Variants in PTPRG observed in about 807,000 individuals in gnomAD.
PTPRG encodes receptor-type tyrosine-protein phosphatase gamma.
In PTPRG, 102 loss-of-function variants were observed where a neutral mutation model predicts 165.3. That is an observed-to-expected ratio of 0.62 (90% CI 0.53 to 0.73). The LOEUF (loss-of-function observed/expected upper bound fraction) is 0.73. Ranked by LOEUF, PTPRG falls within the 30% of genes least tolerant of loss-of-function variation. The pLI is 0.00. For synonymous variants in PTPRG, 675 were observed against 669.5 expected, an observed-to-expected ratio of 1.01 and a Z score of -0.13; for missense variants, 1,866 against 1,861.4, an observed-to-expected ratio of 1.00 and a Z score of -0.05.
At chr3:61,817,639 C>T (rs951039941) in intron 2 of PTPRG, among the ~76,000 whole-genome samples, 4 of 152,094 alleles carry the variant, frequency 2.6e-5, no homozygotes, top group East Asian at 1.9e-4. Flanking sequence ...CCTACAGCTA[C>T]GAGACCTGCG....
chr3:61,956,897 T>C (rs1399352639), intron 2 of PTPRG, among the ~76,000 whole-genome samples: 1 of 152,254 alleles, frequency 6.6e-6, no homozygotes, highest in Non-Finnish European at 1.5e-5. Flanking sequence ...AAACATTCTT[T>C]AATGAAATTG....
intron 1 of PTPRG, among the ~76,000 whole-genome samples, chr3:61,630,447 T>G (rs1387150590): frequency 6.6e-6 from 1 of 152,204 alleles, no homozygotes; most frequent in African/African-American, 2.4e-5. Context: ...GGTTAATACT[T>G]TAGTATTGTG....
At chr3:61,803,728 A>G (rs1171111060) in intron 2 of PTPRG, among the ~76,000 whole-genome samples, 1 of 152,214 alleles carries the variant, frequency 6.6e-6, no homozygotes, top group Non-Finnish European at 1.5e-5. Context: ...ACACACCACC[A>G]TATACTAGCT....
chr3:62,246,675 T>A (rs1194097356), intron 15 of PTPRG, among the ~76,000 whole-genome samples: 2 of 152,182 alleles, frequency 1.3e-5, no homozygotes, highest in Non-Finnish European at 2.9e-5. Context: ...GAGACCTCCA[T>A]GGAATCATTT....
At chr3:61,582,816 TA>T (rs1355275950) in intron 1 of PTPRG, among the ~76,000 whole-genome samples, 1 of 152,246 alleles carries the variant, frequency 6.6e-6, no homozygotes, top group African/African-American at 2.4e-5. Flanking sequence ...CGCCATGTGT[TA>T]GCACTTTGCT....
At chr3:61,905,367 T>A (rs2038615960) in intron 2 of PTPRG, among the ~76,000 whole-genome samples, 2 of 152,164 alleles carry the variant, frequency 1.3e-5, no homozygotes, top group South Asian at 4.1e-4. Context: ...TAGAATCTGC[T>A]TTCTAAGACC....
At chr3:61,859,818 G>A (rs1052122798) in intron 2 of PTPRG, among the ~76,000 whole-genome samples, 4 of 152,068 alleles carry the variant, frequency 2.6e-5, no homozygotes, top group Admixed American at 2.6e-4. Flanking sequence ...TTTAAACTGT[G>A]TGGTAATTAT....
intron 2 of PTPRG, among the ~76,000 whole-genome samples, chr3:61,890,321 G>C (rs919011634): frequency 1.7e-4 from 26 of 151,354 alleles, no homozygotes; most frequent in African/African-American, 5.3e-4. Flanking sequence ...ATGTATCTTA[G>C]TCTGTTTGAT....
chr3:61,682,653 C>T (rs1703491509), intron 1 of PTPRG, among the ~76,000 whole-genome samples: 2 of 152,272 alleles, frequency 1.3e-5, no homozygotes, highest in South Asian at 2.1e-4. Context: ...ATTCTTGATT[C>T]CTGGGGATGG....
chr3:62,104,116 C>A (rs1402885378), intron 5 of PTPRG, among the ~76,000 whole-genome samples: 1 of 152,232 alleles, frequency 6.6e-6, no homozygotes, highest in African/African-American at 2.4e-5. Flanking sequence ...ACTTGCTTTA[C>A]TTCCTGCCAA....
chr3:62,048,005 A>G (rs1432581655), intron 4 of PTPRG, among the ~76,000 whole-genome samples: 1 of 152,196 alleles, frequency 6.6e-6, no homozygotes, highest in African/African-American at 2.4e-5. Context: ...CGCTCCATTA[A>G]TTACAATATT....
chr3:61,713,032 C>T (rs1490848591), intron 1 of PTPRG, among the ~76,000 whole-genome samples: 2 of 152,128 alleles, frequency 1.3e-5, no homozygotes, highest in African/African-American at 2.4e-5. Flanking sequence ...CCAAGTACCC[C>T]CTTTCATCAG....
rs200189646 is a variant in PTPRG at position 62,074,352 on chromosome 3, C to CTTTTTTT, written c.520-3796_520-3790dup. 6.2e-4 allele frequency among the ~76,000 whole-genome samples: 68 copies of CTTTTTTT among 109,108 alleles called. 1 individual carries two copies. The highest frequency in any genetic ancestry group is 1.6e-3 in the African/African-American group (41 of 26,116). 71.6% of individuals were successfully genotyped at this position (109,108 alleles called of 152,430 possible). A position where few individuals can be genotyped will look rare whatever the true frequency, so the allele number is the denominator to read the frequency against. On this transcript the variant is annotated intron_variant, in intron 4 of 29. Coordinates refer to ENST00000474889, the MANE Select transcript of PTPRG (RefSeq NM_002841.4). ...TTTTTTCCTTTCTTTTCTTTTCTTT[C>CTTTTTTT]TTTTTTTTTTTTTTTTTTTTTGAGA... is the stretch of plus-strand genomic sequence containing the variant.
intron 4 of PTPRG, among the ~76,000 whole-genome samples, chr3:62,075,113 C>G (rs1392159066): frequency 6.6e-6 from 1 of 152,200 alleles, no homozygotes; most frequent in Non-Finnish European, 1.5e-5. Flanking sequence ...ATGGGTGGAG[C>G]TGTGACCCAA....
intron 2 of PTPRG, among the ~76,000 whole-genome samples, chr3:61,884,405 A>G (rs75355348): frequency 6.6e-6 from 1 of 152,208 alleles, no homozygotes; most frequent in Non-Finnish European, 1.5e-5. Context: ...TGGGGAAGAT[A>G]GCAAAAGTTA....
At chr3:62,140,774 G>A (rs1221717420) in intron 6 of PTPRG, among the ~76,000 whole-genome samples, 1 of 151,270 alleles carries the variant, frequency 6.6e-6, no homozygotes, top group Admixed American at 6.6e-5. Context: ...TTGAACCCGG[G>A]AGGTGGAGGT....
At chr3:62,272,204 G>A (rs1702090165) in intron 21 of PTPRG, among the ~76,000 whole-genome samples, 1 of 152,092 alleles carries the variant, frequency 6.6e-6, no homozygotes, top group Non-Finnish European at 1.5e-5. Flanking sequence ...TTCCACACTA[G>A]AATAGAGATT....
chr3:62,034,740 C>T (rs760229870), intron 4 of PTPRG, among the ~76,000 whole-genome samples: 15 of 152,112 alleles, frequency 9.9e-5, no homozygotes, highest in Non-Finnish European at 1.6e-4. Flanking sequence ...GTGCTGGCAG[C>T]GGACAAGGAT....
At chr3:62,270,745 G>A (rs967713862) in intron 20 of PTPRG, among the ~76,000 whole-genome samples, 1 of 152,232 alleles carries the variant, frequency 6.6e-6, no homozygotes, top group East Asian at 1.9e-4. Context: ...TTGATAATAA[G>A]AAATCGTATC....
Sources: gnomAD v4.1 joint callset for allele counts (sites outside exome capture counted in the v4.1 genomes callset) on GRCh38, gnomAD v4.1.1 for gene constraint, MANE v1.5 for transcripts, NCBI Gene and HGNC (gene_info 2026-07-23, HGNC 2026-07-21) for gene names.